The following ARHGAP22 variants were observed in gnomAD, a reference collection of about 807,000 sequenced individuals.
ARHGAP22 encodes the protein Rho GTPase activating protein 22.
A neutral mutation model predicts 59.1 loss-of-function variants in ARHGAP22; 48 were observed. That is an observed-to-expected ratio of 0.81 (90% CI 0.64 to 1.03). ARHGAP22 has a LOEUF of 1.03. ARHGAP22 is among the 50% of genes least tolerant of loss of function. ARHGAP22 has a pLI of 0.00. For synonymous variants in ARHGAP22, 445 were observed against 416.4 expected (o/e 1.07, Z -0.84); for missense variants, 1,015 against 958.7 (o/e 1.06, Z -0.78).
chr10:48,632,071 C>T (rs932077451), intron 1 of ARHGAP22, among the ~76,000 whole-genome samples: 2 of 152,196 alleles, frequency 1.3e-5, no homozygotes, highest in Admixed American at 6.5e-5. Flanking sequence ...ACCTGTCACT[C>T]GAGCAGTGTA....
chr10:48,442,338 G>A (rs1264664164), downstream of ARHGAP22, among the ~76,000 whole-genome samples: 2 of 152,224 alleles, frequency 1.3e-5, no homozygotes, highest in East Asian at 3.9e-4. Flanking sequence ...AGTGCTGGCT[G>A]CCGCCATCAT....
chr10:48,580,094 A>G (rs986449515), intron 2 of ARHGAP22, among the ~76,000 whole-genome samples: 13 of 152,186 alleles, frequency 8.5e-5, no homozygotes, highest in African/African-American at 2.9e-4. Flanking sequence ...AAAGGCCACA[A>G]GAGCTCTGGG....
chr10:48,583,250 T>C (rs2059227516), intron 1 of ARHGAP22, 98 bp from the exon 2 acceptor site: 1 of 1,405,052 alleles, frequency 7.1e-7, no homozygotes, highest in Non-Finnish European at 9.7e-7. Flanking sequence ...GACTGAGGCA[T>C]GGGAGCCCAG....
At chr10:48,518,770 T>C (rs1022240274) in intron 3 of ARHGAP22, among the ~76,000 whole-genome samples, 19 of 152,152 alleles carry the variant, frequency 1.2e-4, no homozygotes, top group Non-Finnish European at 2.6e-4. Context: ...AGGGTCCATG[T>C]GGGAGGCCTT....
At chr10:48,555,685 AGG>A in intron 2 of ARHGAP22, 135 bp from the exon 3 acceptor site, 1 of 740,086 alleles carries the variant, frequency 1.4e-6, no homozygotes, top group East Asian at 2.7e-5. Flanking sequence ...GGCCTCAGAG[AGG>A]GGCACACACC....
chr10:48,503,231 T>C (rs773925616), intron 3 of ARHGAP22, among the ~76,000 whole-genome samples: 42 of 152,198 alleles, frequency 2.8e-4, no homozygotes, highest in Admixed American at 5.2e-4. Flanking sequence ...CTGAAGACCA[T>C]GTTCCGAAAT....
intron 2 of ARHGAP22, among the ~76,000 whole-genome samples, chr10:48,567,630 C>T (rs550513510): frequency 2.8e-4 from 43 of 152,256 alleles, no homozygotes; most frequent in African/African-American, 7.0e-4. Context: ...GTCCTTTGTG[C>T]TTAGGTTGGG....
chr10:48,544,190 T>A (rs1414774289), intron 3 of ARHGAP22, among the ~76,000 whole-genome samples: 1 of 152,050 alleles, frequency 6.6e-6, no homozygotes, highest in Non-Finnish European at 1.5e-5. Context: ...ATATCGTACT[T>A]CACATGATGA....
chr10:48,628,892 C>T (rs1345663309), intron 1 of ARHGAP22, among the ~76,000 whole-genome samples: 1 of 152,104 alleles, frequency 6.6e-6, no homozygotes. Context: ...CTGAGAGAGG[C>T]CACCACCCTC....
At chr10:48,531,650 GGAGGGCACCGAAGTACAGAGAAGT>G (rs11268181) in intron 3 of ARHGAP22, among the ~76,000 whole-genome samples, 132,146 of 151,896 alleles carry the variant, frequency 0.87, 58,116 homozygotes, top group Non-Finnish European at 0.91. Context: ...ACTTGCAAGA[GGAGGGCACCGAAGTACAGAGAAGT>G]GAGGGCACCG....
At chr10:48,642,224 C>T (rs1234501640) in intron 1 of ARHGAP22, among the ~76,000 whole-genome samples, 6 of 152,120 alleles carry the variant, frequency 3.9e-5, no homozygotes, top group Admixed American at 1.3e-4. Context: ...CTTCACAGAA[C>T]TGGAAAAAAC....
chr10:48,471,666 G>A (rs551992346), intron 4 of ARHGAP22, among the ~76,000 whole-genome samples: 13 of 152,156 alleles, frequency 8.5e-5, no homozygotes, highest in African/African-American at 1.4e-4. Flanking sequence ...CCTCCACTGC[G>A]CCCTTCCTCA....
At chr10:48,583,237 C>T (rs1209590189) in intron 1 of ARHGAP22, 85 bp from the exon 2 acceptor site, 17 of 1,494,138 alleles carry the variant, frequency 1.1e-5, no homozygotes, top group African/African-American at 4.2e-5. Flanking sequence ...CCAGCTGCCT[C>T]GTGACTGAGG....
chr10:48,598,167 C>T (rs533381117), intron 1 of ARHGAP22, among the ~76,000 whole-genome samples: 33 of 152,298 alleles, frequency 2.2e-4, no homozygotes, highest in African/African-American at 7.9e-4. Flanking sequence ...TAACATCTTC[C>T]GTGGGAAGAG....
chr10:48,451,668 A>AC (rs1184977146), intron 8 of ARHGAP22: 5 of 548,260 alleles, frequency 9.1e-6, no homozygotes, highest in Non-Finnish European at 1.6e-5. Context: ...CCCCTAAAAT[A>AC]CCCCCCACAA....
chr10:48,627,396 G>C (rs2061489441), intron 1 of ARHGAP22, among the ~76,000 whole-genome samples: 1 of 152,230 alleles, frequency 6.6e-6, no homozygotes, highest in Non-Finnish European at 1.5e-5. Context: ...TAGCTCTGGA[G>C]AGCTAATGTC....
intron 2 of ARHGAP22, among the ~76,000 whole-genome samples, chr10:48,577,195 T>C (rs1235515122): frequency 6.6e-6 from 1 of 152,222 alleles, no homozygotes; most frequent in African/African-American, 2.4e-5. Context: ...TTCTGACTTC[T>C]GGGGATCGGT....
At chr10:48,444,863 T>TAG (rs1300948570), downstream of ARHGAP22, 7 of 152,228 alleles carry the variant, frequency 4.6e-5, no homozygotes, top group African/African-American at 1.7e-4. Context: ...TCTCCTTGAG[T>TAG]AGAGGGGAGG....
At chr10:48,432,486 C>A in the ARHGAP22 span, among the ~76,000 whole-genome samples, 15 of 152,108 alleles carry the variant, frequency 9.9e-5, no homozygotes, top group Non-Finnish European at 1.5e-4. Context: ...TTGGAAATGG[C>A]CTTTTCTCTA....
Sources: allele counts gnomAD v4.1 joint callset (sites outside exome capture counted in the v4.1 genomes callset), GRCh38; gene constraint gnomAD v4.1.1; transcripts MANE v1.5; gene names NCBI Gene and HGNC (gene_info 2026-07-23, HGNC 2026-07-21).